SHISA9: variants seen among roughly 807,000 people sequenced by gnomAD.
SHISA9 encodes shisa family member 9.
In SHISA9, 13 loss-of-function variants were observed where a neutral mutation model predicts 38.0. That is an observed-to-expected ratio of 0.34 (90% confidence interval 0.22 to 0.54). The LOEUF (loss-of-function observed/expected upper bound fraction) is 0.54, where lower values mean the gene tolerates loss of function less well. SHISA9 is among the 20% of genes least tolerant of loss of function. The pLI is 0.91. For missense variants in SHISA9, 538 were observed against 575.8 expected, an observed-to-expected ratio of 0.93 and a Z score of 0.67; for synonymous variants, 275 against 242.0, an observed-to-expected ratio of 1.14 and a Z score of -1.27.
At chr16:13,516,324 A>G in the SHISA9 span, among the ~76,000 whole-genome samples, 192 of 152,350 alleles carry the variant, frequency 1.3e-3, no homozygotes, top group African/African-American at 4.4e-3. Context: ...ATCACCCTGG[A>G]CCTAGAAGCA....
At position 12,986,421 on chromosome 16, in the gene SHISA9, T is replaced by G. The variant is rs140848657; in HGVS notation, c.691+69606T>G. 6.1e-3 allele frequency among the ~76,000 whole-genome samples: 928 copies of G among 152,316 alleles called. 11 individuals carry two copies. The highest frequency in any genetic ancestry group is 0.021 in the African/African-American group (880 of 41,568). On this transcript the variant is annotated intron_variant, in intron 2 of 4. Coordinates refer to ENST00000558583, the MANE Select transcript of SHISA9 (RefSeq NM_001145204.3). ...TTTAGAAAATGAATGAATTACTCTT[T>G]ACAGCCACAAGTATTTTGTGTTTTG...
chr16:13,165,877 A>G (rs909666133), intron 2 of SHISA9, among the ~76,000 whole-genome samples: 1 of 152,194 alleles, frequency 6.6e-6, no homozygotes, highest in Admixed American at 6.5e-5. Context: ...CTATAAAAAC[A>G]GTGGGAAGCT....
At chr16:13,320,183 C>T in the SHISA9 span, among the ~76,000 whole-genome samples, 2 of 147,280 alleles carry the variant, frequency 1.4e-5, no homozygotes, top group African/African-American at 2.5e-5. Flanking sequence ...CCCAGCTACT[C>T]AGGAGGCTGA....
At chr16:13,440,662 C>G in the SHISA9 span, among the ~76,000 whole-genome samples, 1 of 152,202 alleles carries the variant, frequency 6.6e-6, no homozygotes, top group Admixed American at 6.5e-5. Context: ...GGTGCGGCGG[C>G]TCACGACTAT....
intron 1 of SHISA9, among the ~76,000 whole-genome samples, chr16:12,907,044 TCCCC>T (rs2071106644): frequency 1.3e-5 from 1 of 74,384 alleles, no homozygotes; most frequent in Non-Finnish European, 4.3e-5. Flanking sequence ...CCATCCCCCT[TCCCC>T]CTTCCCTCCT....
chr16:13,288,690 A>T, the SHISA9 span, among the ~76,000 whole-genome samples: 1 of 152,164 alleles, frequency 6.6e-6, no homozygotes, highest in South Asian at 2.1e-4. Flanking sequence ...GCTGCCTGGG[A>T]GGGTGAGGCA....
rs528235845 is a variant in SHISA9 at position 13,201,052 on chromosome 16, A to C, written c.692-2342A>C. 2.1e-3 allele frequency among the ~76,000 whole-genome samples: 290 copies of C among 135,800 alleles called. 66 individuals carry two copies. The highest frequency in any genetic ancestry group is 7.9e-3 in the African/African-American group (274 of 34,674). 89.1% of individuals were successfully genotyped at this position (135,800 alleles called of 152,430 possible). ...ACACCTCTAAGGTTATGAGGGAAGC[A>C]GTGTAGGAAAGGTTAGGGAGCCACA... On this transcript the variant is annotated intron_variant, in intron 2 of 4. Coordinates refer to ENST00000558583, the MANE Select transcript of SHISA9 (RefSeq NM_001145204.3).
the SHISA9 span, among the ~76,000 whole-genome samples, chr16:13,529,756 A>G: frequency 3.0e-3 from 453 of 152,266 alleles, 10 homozygotes; most frequent in East Asian, 0.036. Flanking sequence ...TTGCCCACCC[A>G]TATCCACTTC....
At chr16:13,274,858 G>A in the SHISA9 span, among the ~76,000 whole-genome samples, 159 of 152,256 alleles carry the variant, frequency 1.0e-3, 1 homozygote, top group African/African-American at 3.5e-3. Flanking sequence ...AAACACCTCA[G>A]CCAGTGCTGA....
intron 2 of SHISA9, among the ~76,000 whole-genome samples, chr16:12,943,956 A>G (rs1183143487): frequency 1.3e-5 from 2 of 151,918 alleles, no homozygotes; most frequent in Admixed American, 6.6e-5. Flanking sequence ...TTATTTCTCA[A>G]CCCCAACACT....
chr16:13,112,420 C>T (rs1186300997), intron 2 of SHISA9, among the ~76,000 whole-genome samples: 1 of 151,852 alleles, frequency 6.6e-6, no homozygotes, highest in African/African-American at 2.4e-5. Flanking sequence ...TTTTCATTTG[C>T]CAGCCACACT....
intron 2 of SHISA9, among the ~76,000 whole-genome samples, chr16:13,089,588 T>C (rs1488496311): frequency 6.6e-6 from 1 of 152,260 alleles, no homozygotes; most frequent in African/African-American, 2.4e-5. Flanking sequence ...TTTATTTGCA[T>C]AGAGATGTTT....
At chr16:13,053,980 C>G (rs1270971884) in intron 2 of SHISA9, among the ~76,000 whole-genome samples, 2 of 152,306 alleles carry the variant, frequency 1.3e-5, no homozygotes, top group Non-Finnish European at 2.9e-5. Flanking sequence ...GGAGTCTCGC[C>G]TCTTCTCTTC....
At chr16:13,232,838 C>G (rs770122901) in intron 4 of SHISA9, among the ~76,000 whole-genome samples, 51 of 152,210 alleles carry the variant, frequency 3.4e-4, no homozygotes, top group Non-Finnish European at 6.5e-4. Context: ...CTTTTGAAGT[C>G]TTATAGTGGC....
At chr16:13,496,517 C>A in the SHISA9 span, among the ~76,000 whole-genome samples, 1 of 151,864 alleles carries the variant, frequency 6.6e-6, no homozygotes, top group African/African-American at 2.4e-5. Flanking sequence ...GATAAGGAAA[C>A]CACTATTATT....
intron 4 of SHISA9, among the ~76,000 whole-genome samples, chr16:13,223,006 G>T (rs2051243920): frequency 6.6e-6 from 1 of 152,106 alleles, no homozygotes; most frequent in Non-Finnish European, 1.5e-5. Context: ...TCCATCCCCA[G>T]GCCACATAGG....
At chr16:13,112,606 T>C (rs1447269072) in intron 2 of SHISA9, among the ~76,000 whole-genome samples, 5 of 151,930 alleles carry the variant, frequency 3.3e-5, no homozygotes, top group Admixed American at 3.3e-4. Flanking sequence ...ATACCTCTCA[T>C]TGAGAAGCAT....
the SHISA9 span, among the ~76,000 whole-genome samples, chr16:13,445,610 G>A: frequency 1.4e-4 from 21 of 152,102 alleles, no homozygotes; most frequent in Non-Finnish European, 2.1e-4. Context: ...AATTCATAGC[G>A]CTATGAGATT....
At chr16:13,088,357 A>T (rs2073736948) in intron 2 of SHISA9, among the ~76,000 whole-genome samples, 1 of 152,206 alleles carries the variant, frequency 6.6e-6, no homozygotes, top group South Asian at 2.1e-4. Flanking sequence ...GAAGAAAGTC[A>T]TTGGTAGCTT....
Sources: allele counts gnomAD v4.1 joint callset (sites outside exome capture counted in the v4.1 genomes callset), GRCh38; gene constraint gnomAD v4.1.1; transcripts MANE v1.5; gene names NCBI Gene and HGNC (gene_info 2026-07-23, HGNC 2026-07-21).